CLTCL1: variants seen among roughly 807,000 people sequenced by gnomAD.
CLTCL1 encodes clathrin heavy chain like 1, also known as clathrin heavy chain 2.
In CLTCL1, 159 loss-of-function variants were observed where a neutral mutation model predicts 190.0. The observed-to-expected ratio is 0.84, with a 90% CI of 0.74 to 0.95. The LOEUF is 0.95. Ranked by LOEUF, CLTCL1 falls within the 40% of genes least tolerant of loss-of-function variation. The pLI, the probability that CLTCL1 is intolerant of heterozygous loss-of-function variation, is 0.00. For synonymous variants in CLTCL1, 752 were observed against 769.6 expected (o/e 0.98, Z 0.38); for missense variants, 1,878 against 2,033.4 (o/e 0.92, Z 1.47).
intron 2 of CLTCL1, 69 bp downstream of exon 2, chr22:19,275,554 T>C: frequency 6.9e-7 from 1 of 1,444,926 alleles, no homozygotes; most frequent in Non-Finnish European, 9.5e-7. Flanking sequence ...TGACACTTGT[T>C]CAATATTTAA....
At chr22:19,199,635 C>A (rs2146308869) in intron 24 of CLTCL1, 99 bp downstream of exon 24, 2 of 814,168 alleles carry the variant, frequency 2.5e-6, no homozygotes, top group East Asian at 5.5e-5. Context: ...GCAGATGCAA[C>A]ACTGTGATGG....
intron 30 of CLTCL1, 172 bp downstream of exon 30, chr22:19,183,217 GA>G: frequency 3.3e-6 from 2 of 610,058 alleles, no homozygotes; most frequent in East Asian, 2.8e-5. Flanking sequence ...ACGTTGGGCA[GA>G]AAACCACTTC....
intron 23 of CLTCL1, among the ~76,000 whole-genome samples, chr22:19,200,738 G>T (rs1167947577): frequency 1.3e-5 from 2 of 152,156 alleles, no homozygotes; most frequent in Non-Finnish European, 2.9e-5. Flanking sequence ...GCTACTGGGG[G>T]AGCTGAGGCA....
chr22:19,234,473 A>G, intron 7 of CLTCL1, 36 bp downstream of exon 7: 2 of 1,552,680 alleles, frequency 1.3e-6, no homozygotes, highest in Non-Finnish European at 1.8e-6. Context: ...GGTTCTTAAC[A>G]CTCAGAACAC....
At chr22:19,282,608 G>A (rs145713057) in intron 1 of CLTCL1, among the ~76,000 whole-genome samples, 1,525 of 147,440 alleles carry the variant, frequency 0.01, 30 homozygotes, top group East Asian at 0.067. Context: ...CAGCCTGGGC[G>A]ACAGAGCGAG....
rs1159524609 is a variant in CLTCL1, at chr22:19,179,962, G to A, written c.*28C>T. On this transcript the variant is annotated 3_prime_UTR_variant, in exon 33 of 33. Coordinates refer to ENST00000427926, the MANE Select transcript of CLTCL1 (RefSeq NM_007098.4). ...GGAAGCTGGCAGGGGCTGGGCCCACGGCAGGGCCTGCAGAGGGGGAAGCCC... is the reference window on the plus strand; with the variant it reads ...GGAAGCTGGCAGGGGCTGGGCCCACAGCAGGGCCTGCAGAGGGGGAAGCCC... The A allele has an allele frequency of 8.9e-6, 5 of 559,224 alleles. No homozygotes were observed. The highest frequency in any genetic ancestry group is 1.6e-5 in the Non-Finnish European group (5 of 313,710). The allele number at this position is 559,224 out of a possible 1,614,324, so 34.6% of individuals were successfully genotyped here.
intron 2 of CLTCL1, among the ~76,000 whole-genome samples, chr22:19,262,886 C>T (rs1029695400): frequency 7.9e-5 from 12 of 151,960 alleles, no homozygotes; most frequent in African/African-American, 2.7e-4. Flanking sequence ...CAAAAATTAG[C>T]TGGGCGTGGT....
intron 2 of CLTCL1, among the ~76,000 whole-genome samples, chr22:19,270,192 T>A (rs1313334965): frequency 6.6e-6 from 1 of 152,052 alleles, no homozygotes; most frequent in African/African-American, 2.4e-5. Flanking sequence ...TCAAAAACAC[T>A]ATGCTAGGTA....
intron 27 of CLTCL1, among the ~76,000 whole-genome samples, chr22:19,190,335 G>A (rs975419173): frequency 9.8e-5 from 15 of 152,304 alleles, no homozygotes; most frequent in East Asian, 7.7e-4. Context: ...ACCAGGGCAC[G>A]GCCAGTCAGC....
At chr22:19,216,044 G>A (rs2085374409) in intron 19 of CLTCL1, 67 bp downstream of exon 19, 3 of 1,496,752 alleles carry the variant, frequency 2.0e-6, no homozygotes, top group Non-Finnish European at 2.7e-6. Flanking sequence ...GATTGTAACA[G>A]AAGATGAGTA....
At chr22:19,234,765 T>C in intron 6 of CLTCL1, 59 bp from the exon 7 acceptor site, 1 of 1,424,432 alleles carries the variant, frequency 7.0e-7, no homozygotes. Context: ...ACCATCCCTC[T>C]GCCATGTTCC....
Position 19,196,557 on chromosome 22 carries a change from A to G in CLTCL1, c.3973T>C (p.Ser1325Pro). The part of the protein sequence containing the change: ...GMFTELAILY[S>P]KFKPQKMLEH... ...AGCATCTTCTGTGGCTTGAATTTGG[A>G]GTAGAGGATGGCCAGCTCAGTGAAC... Residue 1325 changes from serine (S) to proline (P), a missense_variant, in exon 25 of 33, where the codon TCC becomes CCC. Coordinates refer to ENST00000427926, the MANE Select transcript of CLTCL1 (RefSeq NM_007098.4). The G allele has an allele frequency of 3.7e-6, 6 of 1,613,902 alleles. No homozygotes were observed. The highest frequency in any genetic ancestry group is 5.1e-6 in the Non-Finnish European group (6 of 1,179,822).
At position 19,291,631 on chromosome 22, in the gene CLTCL1, A is replaced by G; in HGVS notation, c.11T>C (p.Ile4Thr). 7.1e-7 allele frequency: 1 copy of G among 1,404,130 alleles called. No homozygotes were observed. The highest frequency in any genetic ancestry group is 9.4e-7 in the Non-Finnish European group (1 of 1,065,098). The allele number at this position is 1,404,130 out of a possible 1,614,324, so 87.0% of individuals were successfully genotyped here. A position where few individuals can be genotyped will look rare whatever the true frequency, so the allele number is the denominator to read the frequency against. MAQ[I>T]LPVRFQEHFQ... ...GTGCTCCTGAAAGCGAACAGGGAGGATCTGCGCCATGGCTGGTGCGGGACC... is the reference window on the plus strand; with the variant it reads ...GTGCTCCTGAAAGCGAACAGGGAGGGTCTGCGCCATGGCTGGTGCGGGACC... The change falls in exon 1 of 33, where the codon ATC becomes ACC. Residue 4 changes from isoleucine (I) to threonine (T), a missense_variant. Physicochemically the swap from Ile to Thr is moderately conservative, Grantham distance 89. Coordinates refer to ENST00000427926, the MANE Select transcript of CLTCL1 (RefSeq NM_007098.4).
At chr22:19,237,598 C>T (rs1418514713) in intron 5 of CLTCL1, among the ~76,000 whole-genome samples, 2 of 152,162 alleles carry the variant, frequency 1.3e-5, no homozygotes, top group East Asian at 3.8e-4. Flanking sequence ...GTATGGAGCA[C>T]AATGTTCCTT....
chr22:19,260,614 C>A (rs973809348), intron 2 of CLTCL1, among the ~76,000 whole-genome samples: 2 of 151,722 alleles, frequency 1.3e-5, no homozygotes, highest in Non-Finnish European at 2.9e-5. Flanking sequence ...CCCGTCTCTA[C>A]TAAAAATACA....
intron 4 of CLTCL1, among the ~76,000 whole-genome samples, chr22:19,239,697 A>ATCTGCTGTCCCTTCCAAC (rs1158940673): frequency 6.6e-6 from 1 of 152,198 alleles, no homozygotes; most frequent in Non-Finnish European, 1.5e-5. Context: ...TCCAGTCAGA[A>ATCTGCTGTCCCTTCCAAC]TCTGCTGTCC....
In CLTCL1 at chr22:19,233,150, G is replaced by GT. The variant is rs1569203254; in HGVS notation, c.1521+15dup. ...GTGAGTAATCTGTGAGATGCCAGTG[G>GT]TTCAACACACGTTACCTTTTTGGCA... is the stretch of plus-strand genomic sequence containing the variant. On this transcript the variant is annotated intron_variant, in intron 9 of 32. Transcript: ENST00000427926. 1 of 1,604,890 alleles carries GT rather than the reference G, an allele frequency of 6.2e-7. No homozygotes were observed.
At chr22:19,245,578 C>T (rs1555967628) in intron 3 of CLTCL1, among the ~76,000 whole-genome samples, 2 of 152,148 alleles carry the variant, frequency 1.3e-5, no homozygotes, top group Non-Finnish European at 2.9e-5. Context: ...TTAGGACACT[C>T]GCAATGTGTG....
chr22:19,187,862 G>A, intron 28 of CLTCL1, 119 bp downstream of exon 28: 1 of 1,315,430 alleles, frequency 7.6e-7, no homozygotes, highest in Non-Finnish European at 1.1e-6. Flanking sequence ...TATATCCACT[G>A]GTGTCCTGTG....
Sources: gnomAD v4.1 joint callset for allele counts (sites outside exome capture counted in the v4.1 genomes callset) on GRCh38, gnomAD v4.1.1 for gene constraint, MANE v1.5 for transcripts, NCBI Gene and HGNC (gene_info 2026-07-23, HGNC 2026-07-21) for gene names.